PRKN: variants seen among roughly 807,000 people sequenced by gnomAD.
PRKN encodes E3 ubiquitin-protein ligase parkin.
Under a neutral mutation model 59.5 loss-of-function variants are expected in PRKN, and 56 were observed. The ratio of observed to expected loss-of-function variants is 0.94; its 90% CI spans 0.76 to 1.18. The LOEUF (loss-of-function observed/expected upper bound fraction) is 1.18. Among genes scored for constraint, PRKN ranks in the 50% most tolerant of loss-of-function variants. The pLI is 0.00. For missense variants in PRKN, 657 were observed against 596.4 expected (o/e 1.10, Z -1.06); for synonymous variants, 250 against 222.1 (o/e 1.13, Z -1.12).
In PRKN at chr6:161,658,033, AAG is replaced by A. The variant is rs1554289220; in HGVS notation, c.872-88619_872-88618del. 1.4e-3 allele frequency among the ~76,000 whole-genome samples: 142 copies of A among 100,684 alleles called. 2 individuals carry two copies. Among genetic ancestry groups the A allele is most frequent in the African/African-American group, 4.6e-3 (107 of 23,320 alleles). The allele number at this position is 100,684 out of a possible 152,430, so 66.1% of individuals were successfully genotyped here. On this transcript the variant is annotated intron_variant, in intron 7 of 11. Transcript: ENST00000366898. ...TCTGTCTCAAAAAAAAAAAAAAAAA[AAG>A]AAAAGAAAAGAAAAAAACGGTGTGC...
rs547958963 is a variant in PRKN at position 161,808,662 on chromosome 6, G to A, written c.735-22754C>T. 9.4e-4 allele frequency among the ~76,000 whole-genome samples: 142 copies of A among 151,744 alleles called. No homozygotes were observed. The Middle Eastern group carries it at 0.01, about 11-fold the overall frequency. ...ATTAAACTGCATTTTTAATTGTATT[G>A]AGAGATGAGTCTAAGAAACAACAAA... On this transcript the variant is annotated intron_variant, in intron 6 of 11. Coordinates refer to ENST00000366898, the MANE Select transcript of PRKN (RefSeq NM_004562.3).
intron 6 of PRKN, among the ~76,000 whole-genome samples, chr6:161,939,980 CCT>C (rs1007831458): frequency 2.0e-5 from 3 of 151,828 alleles, no homozygotes; most frequent in South Asian, 2.1e-4. Context: ...CTCACCGCAA[CCT>C]CTGTCTCCCG....
intron 11 of PRKN, among the ~76,000 whole-genome samples, chr6:161,350,476 T>C (rs1039481036): frequency 2.7e-5 from 4 of 150,456 alleles, no homozygotes; most frequent in African/African-American, 9.8e-5. Flanking sequence ...AATCTGACTT[T>C]ATTCTCCTGA....
chr6:162,415,542 C>T (rs1446765443), intron 2 of PRKN, among the ~76,000 whole-genome samples: 2 of 152,034 alleles, frequency 1.3e-5, no homozygotes, highest in African/African-American at 4.8e-5. Flanking sequence ...TTAAGAAGGC[C>T]AGGCTCATGG....
At chr6:162,318,755 T>G (rs779654504) in intron 2 of PRKN, among the ~76,000 whole-genome samples, 2 of 152,116 alleles carry the variant, frequency 1.3e-5, no homozygotes, top group Non-Finnish European at 1.5e-5. Context: ...AAAGTTACAT[T>G]TTATAAACAT....
At chr6:161,831,408 C>T (rs1792493890) in intron 6 of PRKN, among the ~76,000 whole-genome samples, 1 of 152,194 alleles carries the variant, frequency 6.6e-6, no homozygotes, top group South Asian at 2.1e-4. Context: ...ACAAAATCAA[C>T]ACGAAGTGAC....
chr6:161,480,594 G>A lies in PRKN; in HGVS notation c.1083+68260C>T, dbSNP rs989634733. Among the ~76,000 whole-genome samples the A allele has an allele frequency of 6.6e-6, 1 of 152,178 alleles. No homozygotes were observed. ...GGTTCTGGGCTTTGGGGCACAAGGA[G>A]CCAAGTACACTATTACAGGAAGCAG... On this transcript the variant is annotated intron_variant, in intron 9 of 11. Coordinates refer to ENST00000366898, the MANE Select transcript of PRKN (RefSeq NM_004562.3). This position sits in a 1 kb window ranked among gnomAD's most constrained non-coding sequence, Gnocchi z 4.1.
intron 9 of PRKN, among the ~76,000 whole-genome samples, chr6:161,392,668 T>G: frequency 6.6e-6 from 1 of 151,960 alleles, no homozygotes; most frequent in East Asian, 1.9e-4. Flanking sequence ...GGTCACCTAA[T>G]ACATTCTCCT....
intron 2 of PRKN, among the ~76,000 whole-genome samples, chr6:162,343,075 G>A (rs897139956): frequency 2.0e-5 from 3 of 152,090 alleles, no homozygotes; most frequent in Admixed American, 1.3e-4. Flanking sequence ...AAAAACAATA[G>A]GAAAACCTGT....
intron 6 of PRKN, among the ~76,000 whole-genome samples, chr6:161,872,204 A>T (rs781660181): frequency 1.3e-5 from 2 of 151,466 alleles, no homozygotes; most frequent in Non-Finnish European, 2.9e-5. Flanking sequence ...AGAGAACGTC[A>T]GTGGGAGGAC....
rs564664785 is a variant in PRKN, at chr6:161,360,916, C to G, written c.1168-711G>C. Among the ~76,000 whole-genome samples, 3 of 152,136 alleles carry G rather than the reference C, an allele frequency of 2.0e-5. No individual in the cohort carries two copies. The highest frequency in any genetic ancestry group is 4.4e-5 in the Non-Finnish European group (3 of 68,038). On this transcript the variant is annotated intron_variant, in intron 10 of 11. Transcript: ENST00000366898. This position sits in a 1 kb window ranked among gnomAD's most constrained non-coding sequence, Gnocchi z 5.1. ...AGTCTTTATCTCTCAGATGAAACAC[C>G]TTGTGCATTGGGGGTATGGAGGATT...
At chr6:162,590,666 A>G (rs1583865368) in intron 1 of PRKN, among the ~76,000 whole-genome samples, 1 of 152,214 alleles carries the variant, frequency 6.6e-6, no homozygotes, top group East Asian at 1.9e-4. Flanking sequence ...AATGAAAACA[A>G]TGAAAGCCAC....
intron 1 of PRKN, among the ~76,000 whole-genome samples, chr6:162,559,463 C>G (rs1384768078): frequency 6.6e-6 from 1 of 152,082 alleles, no homozygotes; most frequent in Non-Finnish European, 1.5e-5. Context: ...CCATAGTTAT[C>G]ATTTAGGTTC....
intron 4 of PRKN, among the ~76,000 whole-genome samples, chr6:162,166,744 C>A (rs912666526): frequency 1.3e-5 from 2 of 152,138 alleles, no homozygotes; most frequent in Non-Finnish European, 2.9e-5. Flanking sequence ...TATCAAAAAG[C>A]AATCCTTACC....
intron 6 of PRKN, among the ~76,000 whole-genome samples, chr6:161,896,066 G>C (rs890039366): frequency 1.3e-5 from 2 of 152,176 alleles, no homozygotes; most frequent in Admixed American, 6.5e-5. Flanking sequence ...CTAAAGTGCG[G>C]GTGAAGCAGG....
intron 7 of PRKN, among the ~76,000 whole-genome samples, chr6:161,599,581 G>C (rs1183174630): frequency 6.6e-6 from 1 of 152,142 alleles, no homozygotes; most frequent in Non-Finnish European, 1.5e-5. Flanking sequence ...GGGCATCTTG[G>C]ACATGTCATT....
intron 6 of PRKN, among the ~76,000 whole-genome samples, chr6:161,794,329 G>A (rs1368333268): frequency 1.3e-5 from 2 of 152,118 alleles, no homozygotes; most frequent in Non-Finnish European, 1.5e-5. Flanking sequence ...TGGCCACGGT[G>A]CAGTGTGCCC....
At chr6:162,334,276 A>C (rs1222280407) in intron 2 of PRKN, among the ~76,000 whole-genome samples, 1 of 152,206 alleles carries the variant, frequency 6.6e-6, no homozygotes, top group Non-Finnish European at 1.5e-5. Context: ...TTTTATTGCA[A>C]GATGCCATCT....
intron 4 of PRKN, among the ~76,000 whole-genome samples, chr6:162,077,516 T>C (rs1778876054): frequency 1.3e-5 from 2 of 152,038 alleles, no homozygotes; most frequent in Admixed American, 1.3e-4. Flanking sequence ...GCAAGTAAAA[T>C]AGAGGGACCT....
Sources: gnomAD v4.1 joint callset for allele counts (sites outside exome capture counted in the v4.1 genomes callset) on GRCh38, gnomAD v4.1.1 for gene constraint, Gnocchi (gnomAD v3.1) non-coding constraint, MANE v1.5 for transcripts, NCBI Gene and HGNC (gene_info 2026-07-23, HGNC 2026-07-21) for gene names.